Variants in ZNF469 observed in about 807,000 individuals in gnomAD.
ZNF469 encodes the protein zinc finger protein 469.
A neutral mutation model predicts 1.0 loss-of-function variants in ZNF469; 1 was observed. The observed-to-expected ratio is 1.00, with a 90% CI of 0.35 to 4.73. The LOEUF is 4.73. Among genes scored for constraint, ZNF469 ranks in the 30% most tolerant of loss-of-function variants. The pLI is 0.16. For synonymous variants in ZNF469, 2,703 were observed against 2,363.4 expected, an observed-to-expected ratio of 1.14 and a Z score of -4.17; for missense variants, 6,100 against 5,356.3, an observed-to-expected ratio of 1.14 and a Z score of -4.33.
chr16:88,249,424 T>TTTTCC, the ZNF469 span, among the ~76,000 whole-genome samples: 1 of 44,280 alleles, frequency 2.3e-5, no homozygotes, highest in African/African-American at 9.7e-5. Flanking sequence ...TTTCTTTTTC[T>TTTTCC]TTTTCTTTTT....
At chr16:88,344,086 T>A in the ZNF469 span, among the ~76,000 whole-genome samples, 1 of 150,290 alleles carries the variant, frequency 6.7e-6, no homozygotes, top group African/African-American at 2.5e-5. Context: ...CAGCAGAGAG[T>A]CTCAACAGGG....
chr16:88,436,172 C>G lies in ZNF469; in HGVS notation c.8702C>G (p.Pro2901Arg), dbSNP rs751952593. ...TQPSFEEGGD[P>R]TLGPARLPTD... ...CCCAGCTTTGAGGAGGGCGGTGACC[C>G]CACGCTGGGCCCAGCCCGCCTGCCC... The change falls in exon 3 of 3, where the codon CCC (proline) becomes CGC (arginine). Residue 2901 changes from proline to arginine, a missense_variant. Transcript: ENST00000565624. 4 of 1,547,700 alleles carry G rather than the reference C, an allele frequency of 2.6e-6. No individual in the cohort carries two copies. Among genetic ancestry groups the G allele is most frequent in the South Asian group, 1.2e-5 (1 of 84,032 alleles).
At chr16:88,116,354 C>T in the ZNF469 span, among the ~76,000 whole-genome samples, 136 of 152,252 alleles carry the variant, frequency 8.9e-4, 1 homozygote, top group Middle Eastern at 3.4e-3. Context: ...CCAGAACCAG[C>T]GATGCCGCAA....
the ZNF469 span, among the ~76,000 whole-genome samples, chr16:88,155,811 C>T: frequency 1.3e-4 from 20 of 152,250 alleles, no homozygotes; most frequent in South Asian, 1.0e-3. Context: ...TGGGTGTGCA[C>T]GGAGGAGTGG....
the ZNF469 span, among the ~76,000 whole-genome samples, chr16:88,338,578 C>T: frequency 1.3e-5 from 2 of 152,216 alleles, no homozygotes; most frequent in Admixed American, 6.5e-5. Context: ...GGAAGAAACA[C>T]GGAGGCCAGA....
chr16:88,340,472 C>T, the ZNF469 span, among the ~76,000 whole-genome samples: 1 of 152,170 alleles, frequency 6.6e-6, no homozygotes, highest in South Asian at 2.1e-4. Context: ...GTATAATGAA[C>T]CAGGTGACAT....
chr16:88,148,733 G>A, the ZNF469 span, among the ~76,000 whole-genome samples: 5 of 152,192 alleles, frequency 3.3e-5, no homozygotes, highest in African/African-American at 7.2e-5. Context: ...CCTTGGTGGC[G>A]GTGAGGCTGT....
At chr16:88,405,835 C>T (rs541557744) in intron 1 of ZNF469, among the ~76,000 whole-genome samples, 1 of 152,376 alleles carries the variant, frequency 6.6e-6, no homozygotes, top group South Asian at 2.1e-4. Context: ...GCCTCCAGCC[C>T]TGCAGCTCTT....
At chr16:88,229,575 G>GTGATGCCA in the ZNF469 span, among the ~76,000 whole-genome samples, 1 of 112,446 alleles carries the variant, frequency 8.9e-6, no homozygotes, top group African/African-American at 3.0e-5. Flanking sequence ...TCACGCTTGT[G>GTGATGCCA]CGCTGATGTC....
intron 1 of ZNF469, among the ~76,000 whole-genome samples, chr16:88,409,450 A>G (rs1389959809): frequency 6.6e-6 from 1 of 151,972 alleles, no homozygotes; most frequent in Non-Finnish European, 1.5e-5. Context: ...GACACAGGCC[A>G]GTCACCTGCA....
the ZNF469 span, among the ~76,000 whole-genome samples, chr16:88,203,014 C>A: frequency 6.6e-6 from 1 of 152,174 alleles, no homozygotes. Flanking sequence ...AGTGCTCAGT[C>A]ACAACCGTAG....
the ZNF469 span, among the ~76,000 whole-genome samples, chr16:88,186,402 C>G: frequency 6.6e-6 from 1 of 152,220 alleles, no homozygotes; most frequent in Non-Finnish European, 1.5e-5. Context: ...CTGCTCCTTT[C>G]CAGCAGGCCA....
chr16:88,410,997 G>A (rs1391787813), intron 1 of ZNF469, among the ~76,000 whole-genome samples: 1 of 152,156 alleles, frequency 6.6e-6, no homozygotes, highest in Non-Finnish European at 1.5e-5. Flanking sequence ...GCCTCCTCCT[G>A]CGTCCGTCTC....
At chr16:88,133,487 G>A in the ZNF469 span, among the ~76,000 whole-genome samples, 4 of 152,022 alleles carry the variant, frequency 2.6e-5, no homozygotes, top group East Asian at 3.9e-4. Flanking sequence ...GGCCTGACGC[G>A]GATTCTCACA....
intron 1 of ZNF469, among the ~76,000 whole-genome samples, chr16:88,404,078 G>GAA (rs1191238006): frequency 6.6e-6 from 1 of 152,212 alleles, no homozygotes; most frequent in Non-Finnish European, 1.5e-5. Context: ...GGATCCTTTA[G>GAA]AAAAACAGTG....
At chr16:88,226,697 C>G in the ZNF469 span, among the ~76,000 whole-genome samples, 308 of 151,928 alleles carry the variant, frequency 2.0e-3, 1 homozygote, top group Non-Finnish European at 3.4e-3. Flanking sequence ...CGAATGTCCC[C>G]TGGCAGACAA....
At chr16:88,398,166 G>A (rs1235638963) in intron 1 of ZNF469, among the ~76,000 whole-genome samples, 2 of 152,242 alleles carry the variant, frequency 1.3e-5, no homozygotes, top group African/African-American at 2.4e-5. Context: ...TGGTTGCAAC[G>A]TGCAGCTCTT....
the ZNF469 span, among the ~76,000 whole-genome samples, chr16:88,356,313 G>A: frequency 6.6e-6 from 1 of 152,172 alleles, no homozygotes; most frequent in African/African-American, 2.4e-5. Context: ...GCCCAGCTGT[G>A]AGCCGCCTGG....
the ZNF469 span, among the ~76,000 whole-genome samples, chr16:88,305,863 C>T: frequency 1.3e-5 from 2 of 152,138 alleles, no homozygotes; most frequent in African/African-American, 4.8e-5. Context: ...ACTCACGCAT[C>T]CATGTTCACA....
Sources: allele counts gnomAD v4.1 joint callset (sites outside exome capture counted in the v4.1 genomes callset), GRCh38; gene constraint gnomAD v4.1.1; transcripts MANE v1.5; gene names NCBI Gene and HGNC (gene_info 2026-07-23, HGNC 2026-07-21).